Variants in VWA3B observed in about 807,000 individuals in gnomAD.
The protein encoded by VWA3B is von Willebrand factor A domain-containing protein 3B.
In VWA3B, 138 loss-of-function variants were observed where a neutral mutation model predicts 158.3. The ratio of observed to expected loss-of-function variants is 0.87; its 90% CI spans 0.76 to 1.00. The LOEUF (loss-of-function observed/expected upper bound fraction) is 1.00, where lower values mean the gene tolerates loss of function less well. VWA3B is among the 50% of genes least tolerant of loss of function. The probability of loss-of-function intolerance (pLI) is 0.00; values close to 1 mark genes in which losing one functional copy is unlikely to be tolerated. For synonymous variants in VWA3B, 596 were observed against 587.3 expected, an observed-to-expected ratio of 1.01 and a Z score of -0.21; for missense variants, 1,555 against 1,565.1, an observed-to-expected ratio of 0.99 and a Z score of 0.11.
chr2:98,128,554 T>C (rs944742523), intron 6 of VWA3B, 146 bp downstream of exon 6: 2 of 820,612 alleles, frequency 2.4e-6, no homozygotes. Flanking sequence ...TCTCTGCATC[T>C]TTTCTTCTCC....
intron 6 of VWA3B, among the ~76,000 whole-genome samples, chr2:98,129,995 GGGGACC>G (rs1257849742): frequency 6.6e-6 from 1 of 152,160 alleles, no homozygotes; most frequent in Admixed American, 6.5e-5. Context: ...AGGGGTCCCA[GGGGACC>G]GGCATTCAGC....
At chr2:98,254,931 T>C (rs1321988752) in intron 20 of VWA3B, among the ~76,000 whole-genome samples, 1 of 152,174 alleles carries the variant, frequency 6.6e-6, no homozygotes, top group Admixed American at 6.5e-5. Context: ...CAGCTGATGC[T>C]GGGTCCAGTG....
At chr2:98,303,591 A>T in intron 25 of VWA3B, 111 bp from the exon 26 acceptor site, 1 of 972,720 alleles carries the variant, frequency 1.0e-6, no homozygotes, top group Non-Finnish European at 1.6e-6. Flanking sequence ...TGTCACCCTG[A>T]ATAGGATAAT....
intron 22 of VWA3B, among the ~76,000 whole-genome samples, chr2:98,283,699 T>C (rs17493879): frequency 0.039 from 5,930 of 152,328 alleles, 167 homozygotes; most frequent in Middle Eastern, 0.075. Flanking sequence ...CCTGGCCTTA[T>C]ACATACATCC....
chr2:98,245,461 G>T, intron 19 of VWA3B: 2 of 428,976 alleles, frequency 4.7e-6, no homozygotes, highest in South Asian at 3.3e-5. Context: ...GACTCGAAGT[G>T]TGGGGTATGA....
intron 8 of VWA3B, among the ~76,000 whole-genome samples, chr2:98,168,504 C>T (rs1204935297): frequency 6.6e-6 from 1 of 152,072 alleles, no homozygotes; most frequent in Non-Finnish European, 1.5e-5. Flanking sequence ...CGGGACCTTT[C>T]ATCATTGGCT....
chr2:98,297,548 A>G (rs1367485278), intron 23 of VWA3B, among the ~76,000 whole-genome samples: 1 of 152,214 alleles, frequency 6.6e-6, no homozygotes, highest in African/African-American at 2.4e-5. Flanking sequence ...ATGGAAAAAA[A>G]TAGGGCTAAA....
chr2:98,101,849 TA>T (rs1173677899), intron 2 of VWA3B, among the ~76,000 whole-genome samples: 1 of 151,398 alleles, frequency 6.6e-6, no homozygotes. Flanking sequence ...TGCATGTTTA[TA>T]TTTTTTTATT....
Position 98,273,737 on chromosome 2 carries a change from C to T in VWA3B, c.3045+2854C>T, listed in dbSNP as rs10192260. 2.0e-3 allele frequency among the ~76,000 whole-genome samples: 299 copies of T among 152,280 alleles called. 1 individual carries two copies. The highest frequency in any genetic ancestry group is 6.9e-3 in the African/African-American group (286 of 41,548). ...AGTCCTTAGACTATCCTAATTTGAA[C>T]GAGGATGACAGACCATGGCCAGTCC... On this transcript the variant is annotated intron_variant, in intron 22 of 27. Coordinates refer to ENST00000477737, the MANE Select transcript of VWA3B (RefSeq NM_144992.5).
chr2:98,294,417 C>T (rs796423475), intron 23 of VWA3B, among the ~76,000 whole-genome samples: 4 of 152,198 alleles, frequency 2.6e-5, no homozygotes, highest in Admixed American at 6.5e-5. Flanking sequence ...CAGGTCCACG[C>T]GGAAGCAGAG....
At chr2:98,308,741 G>C (rs953279735) in intron 26 of VWA3B, among the ~76,000 whole-genome samples, 3 of 152,222 alleles carry the variant, frequency 2.0e-5, no homozygotes, top group Non-Finnish European at 4.4e-5. Context: ...ACAGGCTGGG[G>C]TTTCAGGCCG....
At chr2:98,229,230 ATGAGAAGCCATTTAT>A (rs1685156818) in intron 15 of VWA3B, among the ~76,000 whole-genome samples, 1 of 152,264 alleles carries the variant, frequency 6.6e-6, no homozygotes, top group Non-Finnish European at 1.5e-5. Context: ...AATCAAGTAA[ATGAGAAGCCATTTAT>A]TGAGTACAAA....
chr2:98,307,093 T>C lies in VWA3B; in HGVS notation c.3521+3291T>C, dbSNP rs1222386501. Among the ~76,000 whole-genome samples, 5 of 152,234 alleles carry C rather than the reference T, an allele frequency of 3.3e-5. No individual in the cohort carries two copies. The South Asian group carries it at 1.0e-3, about 31-fold the overall frequency. ...AGCTCTTTCTCACTTACTTTACAAA[T>C]GTGTTCCTTAGGGAGCATTCATGCC... On this transcript the variant is annotated intron_variant, in intron 26 of 27. Transcript: ENST00000477737.
intron 23 of VWA3B, chr2:98,290,866 A>C: frequency 2.4e-6 from 1 of 411,172 alleles, no homozygotes; most frequent in South Asian, 3.7e-5. Flanking sequence ...TAGTAAACAA[A>C]TTTTTATTAC....
intron 8 of VWA3B, among the ~76,000 whole-genome samples, chr2:98,163,699 G>GA (rs1192123995): frequency 6.6e-6 from 1 of 152,176 alleles, no homozygotes; most frequent in Non-Finnish European, 1.5e-5. Flanking sequence ...CCAGTGGATG[G>GA]AAAATTATTA....
chr2:98,193,366 A>T (rs1681758103), intron 11 of VWA3B, among the ~76,000 whole-genome samples: 1 of 152,076 alleles, frequency 6.6e-6, no homozygotes, highest in Non-Finnish European at 1.5e-5. Flanking sequence ...TTTATTGGGG[A>T]TGCTGTGTAC....
In VWA3B at chr2:98,270,669, C is replaced by T. The variant is rs62157895; in HGVS notation, c.2844-13C>T. 1.2e-6 allele frequency: 2 copies of T among 1,603,146 alleles called. No homozygotes were observed. The highest frequency in any genetic ancestry group is 1.1e-5 in the South Asian group (1 of 89,040). ...TCTTCCTCTGTTTGTTTGTTTGTTT[C>T]TTTGTTTTTTAGGTTAGATGCAAAC... On this transcript the variant is annotated splice_polypyrimidine_tract_variant and intron_variant, in intron 21 of 27. Coordinates refer to ENST00000477737, the MANE Select transcript of VWA3B (RefSeq NM_144992.5).
chr2:98,304,583 A>T (rs1221771649), intron 26 of VWA3B, among the ~76,000 whole-genome samples: 1 of 151,830 alleles, frequency 6.6e-6, no homozygotes, highest in Non-Finnish European at 1.5e-5. Context: ...TCCACTTCTG[A>T]TCTCCCACTT....
intron 22 of VWA3B, among the ~76,000 whole-genome samples, chr2:98,279,265 T>G (rs1428259062): frequency 3.9e-5 from 6 of 152,122 alleles, no homozygotes; most frequent in Admixed American, 3.9e-4. Flanking sequence ...GTCCTGATGT[T>G]CAGGAATGGG....
Sources: allele counts gnomAD v4.1 joint callset (sites outside exome capture counted in the v4.1 genomes callset), GRCh38; gene constraint gnomAD v4.1.1; transcripts MANE v1.5; gene names NCBI Gene and HGNC (gene_info 2026-07-23, HGNC 2026-07-21).